Variants in GLIS1 observed in about 807,000 individuals in gnomAD.
The protein encoded by GLIS1 is GLIS family zinc finger 1.
Under a neutral mutation model 63.8 loss-of-function variants are expected in GLIS1, and 24 were observed. The observed-to-expected ratio is 0.38, with a 90% CI of 0.27 to 0.53. The LOEUF (loss-of-function observed/expected upper bound fraction) is 0.53. GLIS1 is among the 20% of genes least tolerant of loss of function. GLIS1 has a pLI of 0.85. For missense variants in GLIS1, 1,036 were observed against 1,074.1 expected, an observed-to-expected ratio of 0.96 and a Z score of 0.50; for synonymous variants, 450 against 482.5, an observed-to-expected ratio of 0.93 and a Z score of 0.88.
chr1:53,533,105 G>A (rs1644547746), intron 4 of GLIS1, among the ~76,000 whole-genome samples: 1 of 152,214 alleles, frequency 6.6e-6, no homozygotes, highest in Non-Finnish European at 1.5e-5. Context: ...TGTTCCCTAG[G>A]CCTGGAATGC....
intron 4 of GLIS1, among the ~76,000 whole-genome samples, chr1:53,545,237 A>C (rs146303854): frequency 1.9e-3 from 290 of 152,204 alleles, no homozygotes; most frequent in Middle Eastern, 3.4e-3. Context: ...CGGCAGTAAC[A>C]CAGTCTACAC....
chr1:53,713,539 A>G (rs1646667419), intron 2 of GLIS1, among the ~76,000 whole-genome samples: 1 of 152,004 alleles, frequency 6.6e-6, no homozygotes, highest in African/African-American at 2.4e-5. Context: ...ACACAGTAAG[A>G]CCTCGTCTCT....
intron 4 of GLIS1, among the ~76,000 whole-genome samples, chr1:53,582,922 G>GA (rs1258668536): frequency 1.3e-5 from 2 of 152,250 alleles, no homozygotes; most frequent in Admixed American, 6.5e-5. Context: ...GGGTACTGGG[G>GA]ATCTTACGGA....
At chr1:53,536,812 A>G (rs1644585804) in intron 4 of GLIS1, among the ~76,000 whole-genome samples, 2 of 152,136 alleles carry the variant, frequency 1.3e-5, no homozygotes, top group Non-Finnish European at 2.9e-5. Context: ...GACGCTGGGA[A>G]GGGAGGATGC....
intron 2 of GLIS1, among the ~76,000 whole-genome samples, chr1:53,688,343 G>T (rs542616728): frequency 6.5e-4 from 99 of 152,324 alleles, no homozygotes; most frequent in Non-Finnish European, 1.1e-3. Context: ...GGTAGAGGTG[G>T]GGAAAGGGGA....
chr1:53,691,344 TC>T (rs898431023), intron 2 of GLIS1, among the ~76,000 whole-genome samples: 4 of 151,708 alleles, frequency 2.6e-5, no homozygotes, highest in African/African-American at 9.7e-5. Context: ...CATCTCATCA[TC>T]CCCCCTCCCA....
intron 2 of GLIS1, among the ~76,000 whole-genome samples, chr1:53,693,661 G>T (rs1277590854): frequency 6.6e-6 from 1 of 152,006 alleles, no homozygotes; most frequent in Admixed American, 6.5e-5. Flanking sequence ...CGGCCTCGGG[G>T]TCGCCAAGGG....
chr1:53,522,153 C>T (rs779452912), intron 6 of GLIS1, among the ~76,000 whole-genome samples: 8 of 152,234 alleles, frequency 5.3e-5, no homozygotes, highest in Non-Finnish European at 7.3e-5. Flanking sequence ...ACCGCAATGT[C>T]GATCGGATTA....
At chr1:53,691,328 C>G (rs1456493259) in intron 2 of GLIS1, among the ~76,000 whole-genome samples, 4 of 152,138 alleles carry the variant, frequency 2.6e-5, no homozygotes, top group Non-Finnish European at 5.9e-5. Context: ...CTGACCCAGC[C>G]CTGCTCATCT....
Position 53,598,534 on chromosome 1 carries a change from CAAA to C in GLIS1, c.437+1564_437+1566del, listed in dbSNP as rs1236459041. Reference sequence around the variant, plus strand: ...TGGGTGACAGAGTCAGACCCTGTCTCAAAAAAAAAAAAGGAGGAATTAGGGCAC... The same window carrying C: ...TGGGTGACAGAGTCAGACCCTGTCTCAAAAAAAAAGGAGGAATTAGGGCAC... On this transcript the variant is annotated intron_variant, in intron 3 of 10. Coordinates refer to ENST00000628545, the MANE Select transcript of GLIS1 (RefSeq NM_001367484.1). The surrounding 1 kb of genome is among the most constrained non-coding windows in gnomAD (Gnocchi z 4.6). 7.2e-6 allele frequency among the ~76,000 whole-genome samples: 1 copy of C among 138,544 alleles called. No individual in the cohort carries two copies. 90.9% of individuals were successfully genotyped at this position (138,544 alleles called of 152,430 possible).
chr1:53,655,718 T>C (rs17387378), intron 2 of GLIS1, among the ~76,000 whole-genome samples: 15,226 of 152,224 alleles, frequency 0.1, 948 homozygotes, highest in South Asian at 0.24. Flanking sequence ...TTCTTATTCA[T>C]CTTATTTCCC....
intron 2 of GLIS1, among the ~76,000 whole-genome samples, chr1:53,602,941 G>T (rs184343694): frequency 3.3e-4 from 51 of 152,332 alleles, no homozygotes; most frequent in African/African-American, 1.2e-3. Flanking sequence ...CAATAATTCT[G>T]CCAGGAGGGT....
At chr1:53,715,543 T>A (rs1646689209) in intron 2 of GLIS1, among the ~76,000 whole-genome samples, 1 of 152,152 alleles carries the variant, frequency 6.6e-6, no homozygotes, top group East Asian at 1.9e-4. Context: ...TTACACCGGC[T>A]GCTGGGTACA....
chr1:53,642,288 G>T lies in GLIS1; in HGVS notation c.260-42010C>A, dbSNP rs138912667. Among the ~76,000 whole-genome samples the T allele has an allele frequency of 3.3e-5, 5 of 152,354 alleles. No homozygotes were observed. In the East Asian group the frequency reaches 9.6e-4, roughly 29 times the overall value. Reference sequence around the variant, plus strand: ...GCAGCTTGGCAATCTGGGATCAGGGGAGCTGTCTTGCTTTGATGGAAGGCG... The same window carrying T: ...GCAGCTTGGCAATCTGGGATCAGGGTAGCTGTCTTGCTTTGATGGAAGGCG... On this transcript the variant is annotated intron_variant, in intron 2 of 10. Transcript: ENST00000628545.
At chr1:53,678,266 G>A (rs1408376702) in intron 2 of GLIS1, among the ~76,000 whole-genome samples, 3 of 144,844 alleles carry the variant, frequency 2.1e-5, no homozygotes, top group Admixed American at 7.2e-5. Context: ...CCCCTTGCAC[G>A]AAGAACCTCT....
Position 53,726,163 on chromosome 1 carries a change from G to T in GLIS1, c.259+11643C>A, listed in dbSNP as rs181067993. On this transcript the variant is annotated intron_variant, in intron 2 of 10. Transcript: ENST00000628545. ...TTCTGGCTGGAGGAGGAAGTTTTTT[G>T]ACTGTGATGAGTGGGTAACATTGGA... Among the ~76,000 whole-genome samples, 22 of 152,228 alleles carry T rather than the reference G, an allele frequency of 1.4e-4. 1 individual carries two copies. Among genetic ancestry groups the T allele is most frequent in the African/African-American group, 4.3e-4 (18 of 41,532 alleles).
At chr1:53,651,927 C>T (rs146618202) in intron 2 of GLIS1, among the ~76,000 whole-genome samples, 1 of 151,286 alleles carries the variant, frequency 6.6e-6, no homozygotes, top group Non-Finnish European at 1.5e-5. Flanking sequence ...GGCCTGGGCT[C>T]TACCTGAGTA....
rs941458013 is a variant in GLIS1 at position 53,646,435 on chromosome 1, A to G, written c.260-46157T>C. 6.6e-6 allele frequency among the ~76,000 whole-genome samples: 1 copy of G among 152,258 alleles called. No homozygotes were observed. The highest frequency in any genetic ancestry group is 1.5e-5 in the Non-Finnish European group (1 of 68,050). On this transcript the variant is annotated intron_variant, in intron 2 of 10. Transcript: ENST00000628545. This position sits in a 1 kb window ranked among gnomAD's most constrained non-coding sequence, Gnocchi z 4.2. ...ATAAACAGTAAAGGGAATTTTTTAG[A>G]TATCATTTATGGTAACATAGAATAA...
chr1:53,671,785 T>C (rs1265950439), intron 2 of GLIS1, among the ~76,000 whole-genome samples: 1 of 152,220 alleles, frequency 6.6e-6, no homozygotes, highest in Non-Finnish European at 1.5e-5. Flanking sequence ...CATAGATTTT[T>C]ACAGATGAGG....
Sources: gnomAD v4.1 joint callset for allele counts (sites outside exome capture counted in the v4.1 genomes callset) on GRCh38, gnomAD v4.1.1 for gene constraint, Gnocchi (gnomAD v3.1) non-coding constraint, MANE v1.5 for transcripts, NCBI Gene and HGNC (gene_info 2026-07-23, HGNC 2026-07-21) for gene names.